The following LTBP1 variants were observed in gnomAD, a reference collection of about 807,000 sequenced individuals.
LTBP1 encodes the protein latent-transforming growth factor beta-binding protein 1.
A neutral mutation model predicts 207.6 loss-of-function variants in LTBP1; 129 were observed. The ratio of observed to expected loss-of-function variants is 0.62; its 90% CI spans 0.54 to 0.72. The LOEUF is 0.72. LTBP1 is among the 30% of genes least tolerant of loss of function. The pLI, the probability that LTBP1 is intolerant of heterozygous loss-of-function variation, is 0.00. For synonymous variants in LTBP1, 963 were observed against 833.7 expected (o/e 1.16, Z -2.67); for missense variants, 2,281 against 2,217.2 (o/e 1.03, Z -0.58).
intron 13 of LTBP1, among the ~76,000 whole-genome samples, chr2:33,261,992 C>A (rs1328249176): frequency 1.3e-5 from 2 of 152,154 alleles, no homozygotes; most frequent in Non-Finnish European, 2.9e-5. Flanking sequence ...GTCACAGATC[C>A]TTAACTAGGC....
At chr2:33,244,888 T>TATCTATCTATCTATC (rs1558876164) in intron 10 of LTBP1, among the ~76,000 whole-genome samples, 108 of 120,794 alleles carry the variant, frequency 8.9e-4, no homozygotes, top group African/African-American at 3.1e-3. Flanking sequence ...ATCTATCTAT[T>TATCTATCTATCTATC]TATTTTTGAG....
At chr2:33,256,736 A>ATATATATCTATATC (rs2092867165) in intron 11 of LTBP1, among the ~76,000 whole-genome samples, 1 of 17,668 alleles carries the variant, frequency 5.7e-5, no homozygotes, top group African/African-American at 1.6e-4. Flanking sequence ...ATATATATAT[A>ATATATATCTATATC]TATATATATA....
chr2:33,334,190 G>A lies in LTBP1; in HGVS notation c.3731-8648G>A, dbSNP rs1178170156. On this transcript the variant is annotated intron_variant, in intron 24 of 33. Transcript: ENST00000404816. ...GAGTAAACACAGCATGCGTAGATAA[G>A]TCAAGAACCTTGGCTGTTAAAAAGG... Among the ~76,000 whole-genome samples, 3 of 152,200 alleles carry A rather than the reference G, an allele frequency of 2.0e-5. No homozygotes were observed. The East Asian group carries it at 5.8e-4, about 29-fold the overall frequency.
chr2:33,328,205 C>G (rs1006238120), intron 24 of LTBP1, among the ~76,000 whole-genome samples: 6 of 142,118 alleles, frequency 4.2e-5, no homozygotes, highest in African/African-American at 1.7e-4. Context: ...GTGCCTAAAT[C>G]ATAAGGCCAC....
At chr2:33,243,596 A>G (rs942455004) in intron 9 of LTBP1, 66 bp from the exon 10 acceptor site, 41 of 1,512,344 alleles carry the variant, frequency 2.7e-5, no homozygotes, top group Non-Finnish European at 3.4e-5. Context: ...AGTGAATGCA[A>G]TGTATAGCCA....
At chr2:33,284,064 G>C (rs894608070) in intron 19 of LTBP1, among the ~76,000 whole-genome samples, 14 of 152,058 alleles carry the variant, frequency 9.2e-5, no homozygotes, top group African/African-American at 3.4e-4. Flanking sequence ...ATATTCTGCA[G>C]GGATTTTATA....
chr2:33,188,528 G>A (rs376071249), intron 6 of LTBP1, 49 bp from the exon 7 acceptor site: 18 of 1,450,424 alleles, frequency 1.2e-5, no homozygotes, highest in Middle Eastern at 1.8e-4. Flanking sequence ...CTTTTGATTT[G>A]CCTGTTAGTT....
At chr2:33,285,199 G>A (rs1030249946) in intron 19 of LTBP1, among the ~76,000 whole-genome samples, 7 of 151,256 alleles carry the variant, frequency 4.6e-5, no homozygotes, top group Admixed American at 2.6e-4. Flanking sequence ...CCGCCACCAC[G>A]CTTGGCTAAT....
At chr2:33,174,711 C>G (rs1204287682) in intron 5 of LTBP1, among the ~76,000 whole-genome samples, 4 of 152,054 alleles carry the variant, frequency 2.6e-5, no homozygotes, top group Non-Finnish European at 5.9e-5. Flanking sequence ...GAATCCTAAG[C>G]CAAAAAAACA....
At chr2:33,100,428 G>A (rs993567258) in intron 3 of LTBP1, among the ~76,000 whole-genome samples, 10 of 152,058 alleles carry the variant, frequency 6.6e-5, no homozygotes, top group Non-Finnish European at 1.3e-4. Context: ...GGGGGCAGGG[G>A]GGGCAAGAAA....
intron 26 of LTBP1, among the ~76,000 whole-genome samples, chr2:33,358,009 A>G (rs187299283): frequency 6.6e-6 from 1 of 152,322 alleles, no homozygotes; most frequent in East Asian, 1.9e-4. Context: ...TTTTATCCCA[A>G]TAGAAAAATG....
intron 2 of LTBP1, among the ~76,000 whole-genome samples, chr2:32,953,811 C>T (rs1013818348): frequency 2.6e-5 from 4 of 152,104 alleles, no homozygotes; most frequent in East Asian, 1.9e-4. Flanking sequence ...ATATTTCAGA[C>T]GTACTCAAAC....
chr2:33,234,035 A>G lies in LTBP1; in HGVS notation c.1877-9627A>G, dbSNP rs142414440. Reference sequence around the variant, plus strand: ...ACCCTTTCAACTTCAGATCAATTTTATCTTACGAACTTTCAAATAATTCAG... The same window carrying G: ...ACCCTTTCAACTTCAGATCAATTTTGTCTTACGAACTTTCAAATAATTCAG... On this transcript the variant is annotated intron_variant, in intron 9 of 33. Transcript: ENST00000404816. 1.7e-3 allele frequency among the ~76,000 whole-genome samples: 264 copies of G among 152,134 alleles called. 1 individual carries two copies. The highest frequency in any genetic ancestry group is 3.4e-3 in the Middle Eastern group (1 of 294).
At chr2:33,051,458 C>G (rs1419852164) in intron 3 of LTBP1, among the ~76,000 whole-genome samples, 1 of 152,108 alleles carries the variant, frequency 6.6e-6, no homozygotes, top group Admixed American at 6.5e-5. Context: ...AAACTGTAGT[C>G]CTCTGCAATA....
At chr2:33,115,908 A>G (rs1244291668) in intron 4 of LTBP1, among the ~76,000 whole-genome samples, 1 of 152,356 alleles carries the variant, frequency 6.6e-6, no homozygotes, top group Non-Finnish European at 1.5e-5. Context: ...ATAAGTGTCT[A>G]CATCATACTA....
chr2:33,005,323 C>A (rs961931891), intron 2 of LTBP1, among the ~76,000 whole-genome samples: 5 of 152,198 alleles, frequency 3.3e-5, no homozygotes, highest in Non-Finnish European at 7.3e-5. Context: ...GTGGCACACT[C>A]ATATCACTGG....
intron 22 of LTBP1, 112 bp downstream of exon 22, chr2:33,301,756 A>G: frequency 6.3e-6 from 6 of 952,958 alleles, no homozygotes; most frequent in Non-Finnish European, 8.9e-6. Context: ...TAGTGAAGAC[A>G]TTAGGTCCCT....
In LTBP1 at chr2:33,300,443, G is replaced by T. The variant is rs777667641; in HGVS notation, c.3236-8G>T. On this transcript the variant is annotated splice_region_variant and splice_polypyrimidine_tract_variant and intron_variant, in intron 20 of 33. Coordinates refer to ENST00000404816, the MANE Select transcript of LTBP1 (RefSeq NM_206943.4). The stretch of plus-strand genomic sequence containing the variant: ...TTTTCAGAAAAATTGCCGTTGTTGT[G>T]TTTGCAGATATTGATGAATGTCAGC... 6.2e-6 allele frequency: 10 copies of T among 1,612,044 alleles called. No individual in the cohort carries two copies. In the South Asian group the frequency reaches 1.1e-4, roughly 18 times the overall value.
At chr2:33,332,021 AT>A (rs2094499474) in intron 24 of LTBP1, among the ~76,000 whole-genome samples, 1 of 152,102 alleles carries the variant, frequency 6.6e-6, no homozygotes. Flanking sequence ...TTAAAACAAG[AT>A]TTTATTTTCA....
Sources: allele counts gnomAD v4.1 joint callset (sites outside exome capture counted in the v4.1 genomes callset), GRCh38; gene constraint gnomAD v4.1.1; transcripts MANE v1.5; gene names NCBI Gene and HGNC (gene_info 2026-07-23, HGNC 2026-07-21).